Variants in DTNA observed in about 807,000 individuals in gnomAD.
DTNA encodes the protein dystrobrevin alpha, also known as dystrophin-related protein 3.
In DTNA, 43 loss-of-function variants were observed where a neutral mutation model predicts 100.7. The observed-to-expected ratio is 0.43, with a 90% CI of 0.33 to 0.55. The LOEUF (loss-of-function observed/expected upper bound fraction) is 0.55, where lower values mean the gene tolerates loss of function less well. Among genes scored for constraint, DTNA ranks in the 20% least tolerant of loss-of-function variants. The pLI is 0.04. For missense variants in DTNA, 798 were observed against 953.9 expected (o/e 0.84, Z 2.15); for synonymous variants, 349 against 347.9 (o/e 1.00, Z -0.04).
At chr18:34,751,315 C>T (rs1001010261) in intron 1 of DTNA, among the ~76,000 whole-genome samples, 3 of 152,240 alleles carry the variant, frequency 2.0e-5, no homozygotes, top group East Asian at 1.9e-4. Context: ...ATTCACTGGA[C>T]TCTTCCGTTA....
chr18:34,804,183 G>A (rs1231221273), intron 4 of DTNA, among the ~76,000 whole-genome samples: 1 of 152,142 alleles, frequency 6.6e-6, no homozygotes, highest in Non-Finnish European at 1.5e-5. Flanking sequence ...TGGGAGGGTT[G>A]TGGGCAGACC....
At chr18:34,829,334 T>C (rs1602864733) in intron 10 of DTNA, 66 bp from the exon 11 acceptor site, 2 of 1,529,694 alleles carry the variant, frequency 1.3e-6, no homozygotes, top group East Asian at 4.9e-5. Context: ...ATGTCTTTCC[T>C]CTCTGAGTGG....
At chr18:34,826,874 A>G (rs528383549) in intron 9 of DTNA, among the ~76,000 whole-genome samples, 1 of 152,306 alleles carries the variant, frequency 6.6e-6, no homozygotes, top group Admixed American at 6.5e-5. Context: ...TGAAATGAAA[A>G]TCAGATGAAG....
intron 1 of DTNA, among the ~76,000 whole-genome samples, chr18:34,588,630 T>C (rs1377922014): frequency 1.3e-5 from 2 of 151,760 alleles, no homozygotes; most frequent in African/African-American, 4.9e-5. Flanking sequence ...TCTTCAAAGA[T>C]GAGGAGGAGG....
chr18:34,501,127 C>A (rs2039877863), intron 1 of DTNA, among the ~76,000 whole-genome samples: 1 of 152,050 alleles, frequency 6.6e-6, no homozygotes, highest in Admixed American at 6.6e-5. Context: ...TGAAGAATTT[C>A]ACTTTGATTT....
chr18:34,724,875 C>T (rs762697043), intron 1 of DTNA, among the ~76,000 whole-genome samples: 1 of 152,028 alleles, frequency 6.6e-6, no homozygotes, highest in Admixed American at 6.6e-5. Context: ...GGTACTGGTA[C>T]CAAAACAGAT....
chr18:34,691,161 A>G (rs1003829166), intron 1 of DTNA, among the ~76,000 whole-genome samples: 1 of 152,226 alleles, frequency 6.6e-6, no homozygotes, highest in Non-Finnish European at 1.5e-5. Flanking sequence ...GCACACCTAT[A>G]TTAACAGACC....
intron 9 of DTNA, 147 bp downstream of exon 9, chr18:34,821,062 T>A (rs187428814): frequency 8.1e-7 from 1 of 1,238,300 alleles, no homozygotes; most frequent in Non-Finnish European, 1.1e-6. Context: ...GCCATCATAA[T>A]TTTTTGTTGT....
At chr18:34,658,193 C>G (rs1383919554) in intron 1 of DTNA, among the ~76,000 whole-genome samples, 1 of 152,050 alleles carries the variant, frequency 6.6e-6, no homozygotes, top group Non-Finnish European at 1.5e-5. Flanking sequence ...ACTAGGAATC[C>G]CTCAACACTA....
intron 1 of DTNA, among the ~76,000 whole-genome samples, chr18:34,588,394 A>G (rs1050471253): frequency 6.6e-6 from 1 of 151,684 alleles, no homozygotes. Context: ...CCAACCCCCT[A>G]CCTATAGTGT....
chr18:34,838,843 T>C lies in DTNA; in HGVS notation c.1346+6T>C. On this transcript the variant is annotated splice_donor_region_variant and intron_variant, in intron 13 of 22. Coordinates refer to ENST00000444659, the MANE Select transcript of DTNA (RefSeq NM_001386795.1). ...CTCCGGAACAACCCCTCATGGTTAG[T>C]GCAGGTTTGGCTGCTTGACTGTCCT... 3 of 1,613,318 alleles carry C rather than the reference T, an allele frequency of 1.9e-6. No individual in the cohort carries two copies. The highest frequency in any genetic ancestry group is 1.7e-6 in the Non-Finnish European group (2 of 1,179,406).
chr18:34,844,252 A>G (rs1424394754), intron 13 of DTNA, among the ~76,000 whole-genome samples: 2 of 152,082 alleles, frequency 1.3e-5, no homozygotes, highest in African/African-American at 4.8e-5. Context: ...TATTGTGGTA[A>G]ATTCTTATTG....
At position 34,735,375 on chromosome 18, in the gene DTNA, T is replaced by C. The variant is rs768460097; in HGVS notation, c.-1-20601T>C. Among the ~76,000 whole-genome samples, 53 of 152,196 alleles carry C rather than the reference T, an allele frequency of 3.5e-4. 1 individual carries two copies. Among genetic ancestry groups the C allele is most frequent in the Non-Finnish European group, 8.8e-5 (6 of 68,036 alleles). On this transcript the variant is annotated intron_variant, in intron 1 of 22. Coordinates refer to ENST00000444659, the MANE Select transcript of DTNA (RefSeq NM_001386795.1). ...CAATCAGGATCAATAGTTTGTATCC[T>C]TCAATCCAATCAAGTTGACACTCAG...
chr18:34,691,936 A>T (rs1170960644), intron 1 of DTNA, among the ~76,000 whole-genome samples: 1 of 152,236 alleles, frequency 6.6e-6, no homozygotes, highest in Non-Finnish European at 1.5e-5. Flanking sequence ...CCTATCTTTG[A>T]ATGCACATAG....
At position 34,576,405 on chromosome 18, in the gene DTNA, T is replaced by A. The variant is rs138406557; in HGVS notation, c.-2+82891T>A. On this transcript the variant is annotated intron_variant, in intron 1 of 19. Transcript: ENST00000283365. ...CACATTTTTCCTCATCTTTGTTTCA[T>A]CATGGAACACAAATAAATTGGTTTG... 7.9e-5 allele frequency among the ~76,000 whole-genome samples: 12 copies of A among 152,314 alleles called. No homozygotes were observed. The East Asian group carries it at 2.3e-3, about 29-fold the overall frequency.
intron 4 of DTNA, 137 bp downstream of exon 4, chr18:34,794,387 G>A: frequency 1.1e-6 from 1 of 920,406 alleles, no homozygotes; most frequent in Non-Finnish European, 1.7e-6. Flanking sequence ...GGATGCTTAT[G>A]TCAGTAAAGT....
chr18:34,851,750 G>A, intron 14 of DTNA, 81 bp from the exon 15 acceptor site: 1 of 1,378,302 alleles, frequency 7.3e-7, no homozygotes, highest in South Asian at 1.2e-5. Flanking sequence ...CTCCTTGTCT[G>A]CATATCTCAT....
intron 3 of DTNA, among the ~76,000 whole-genome samples, chr18:34,771,534 C>G (rs1157404644): frequency 6.6e-6 from 1 of 152,094 alleles, no homozygotes; most frequent in African/African-American, 2.4e-5. Flanking sequence ...AACCCATCTT[C>G]TTTTTGAGTC....
chr18:34,674,807 C>G (rs150071368), intron 1 of DTNA, among the ~76,000 whole-genome samples: 2,302 of 152,142 alleles, frequency 0.015, 50 homozygotes, highest in African/African-American at 0.053. Context: ...AAGTCCCTGC[C>G]CAGAGTTGCA....
Sources: gnomAD v4.1 joint callset for allele counts (sites outside exome capture counted in the v4.1 genomes callset) on GRCh38, gnomAD v4.1.1 for gene constraint, MANE v1.5 for transcripts, NCBI Gene and HGNC (gene_info 2026-07-23, HGNC 2026-07-21) for gene names.